Variants in FOXN3 observed in about 807,000 individuals in gnomAD.
The protein encoded by FOXN3 is forkhead box N3, also known as forkhead box protein N3.
A neutral mutation model predicts 38.4 loss-of-function variants in FOXN3; 7 were observed. The observed-to-expected ratio is 0.18, with a 90% CI of 0.10 to 0.34. FOXN3 has a LOEUF of 0.34. Ranked by LOEUF, FOXN3 falls within the 10% of genes least tolerant of loss-of-function variation. The probability of loss-of-function intolerance (pLI) is 1.00; values close to 1 mark genes in which losing one functional copy is unlikely to be tolerated. For missense variants in FOXN3, 456 were observed against 613.4 expected, an observed-to-expected ratio of 0.74 and a Z score of 2.71; for synonymous variants, 230 against 242.2, an observed-to-expected ratio of 0.95 and a Z score of 0.47.
intron 1 of FOXN3, among the ~76,000 whole-genome samples, chr14:89,438,727 T>C (rs1220565743): frequency 6.6e-6 from 1 of 152,222 alleles, no homozygotes; most frequent in Non-Finnish European, 1.5e-5. Flanking sequence ...ATTTGAAATC[T>C]ATACTCACTC....
intron 1 of FOXN3, among the ~76,000 whole-genome samples, chr14:89,584,991 C>G (rs985340793): frequency 6.6e-6 from 1 of 152,230 alleles, no homozygotes; most frequent in Non-Finnish European, 1.5e-5. Flanking sequence ...GCTGGGATTA[C>G]AGGCGTGAGC....
At chr14:89,299,925 T>C (rs1887165543) in intron 3 of FOXN3, among the ~76,000 whole-genome samples, 1 of 152,142 alleles carries the variant, frequency 6.6e-6, no homozygotes, top group Admixed American at 6.5e-5. Context: ...TGAGTAAAAA[T>C]ATCATTTCAA....
intron 1 of FOXN3, among the ~76,000 whole-genome samples, chr14:89,597,341 T>C (rs1017432931): frequency 4.6e-5 from 7 of 152,202 alleles, no homozygotes; most frequent in African/African-American, 1.7e-4. Context: ...CTATACTCTA[T>C]GATTTCCATC....
At chr14:89,389,398 C>T (rs1358916453) in intron 2 of FOXN3, among the ~76,000 whole-genome samples, 1 of 152,164 alleles carries the variant, frequency 6.6e-6, no homozygotes, top group Non-Finnish European at 1.5e-5. Context: ...CATGAACACC[C>T]TTTCATTCTA....
intron 1 of FOXN3, among the ~76,000 whole-genome samples, chr14:89,511,020 G>T (rs1452284171): frequency 6.6e-6 from 1 of 151,972 alleles, no homozygotes; most frequent in Admixed American, 6.6e-5. Context: ...CATTACAAAA[G>T]TGCATGCCTG....
At chr14:89,594,514 T>C (rs150618376) in intron 1 of FOXN3, among the ~76,000 whole-genome samples, 40 of 152,368 alleles carry the variant, frequency 2.6e-4, no homozygotes, top group African/African-American at 8.7e-4. Context: ...ATATCCTCTT[T>C]GGTGAAGTCC....
At chr14:89,344,595 C>A (rs1888711542) in intron 3 of FOXN3, among the ~76,000 whole-genome samples, 1 of 152,162 alleles carries the variant, frequency 6.6e-6, no homozygotes. Context: ...AATCTGTTGT[C>A]ATAAACATTA....
intron 1 of FOXN3, among the ~76,000 whole-genome samples, chr14:89,521,897 A>G (rs1894326175): frequency 6.6e-6 from 1 of 151,970 alleles, no homozygotes; most frequent in Admixed American, 6.6e-5. Flanking sequence ...CACACCTATA[A>G]TTCCAGCTAC....
At chr14:89,571,717 T>C (rs1442809273) in intron 1 of FOXN3, among the ~76,000 whole-genome samples, 1 of 152,194 alleles carries the variant, frequency 6.6e-6, no homozygotes, top group African/African-American at 2.4e-5. Context: ...AATAAAACTT[T>C]ATTTACAAAA....
intron 1 of FOXN3, among the ~76,000 whole-genome samples, chr14:89,436,377 C>T (rs1892277389): frequency 6.6e-6 from 1 of 151,630 alleles, no homozygotes; most frequent in African/African-American, 2.4e-5. Context: ...GTCATGCCAG[C>T]CCCTAATTTA....
intron 3 of FOXN3, among the ~76,000 whole-genome samples, chr14:89,332,459 A>G (rs977195769): frequency 1.3e-5 from 2 of 152,150 alleles, no homozygotes; most frequent in Non-Finnish European, 2.9e-5. Flanking sequence ...TAATTTTCTT[A>G]ATGTCCCTCT....
chr14:89,514,998 C>A (rs758066811), intron 1 of FOXN3, among the ~76,000 whole-genome samples: 1 of 151,964 alleles, frequency 6.6e-6, no homozygotes, highest in Non-Finnish European at 1.5e-5. Context: ...CGGCTCATTG[C>A]AACCTCCGCA....
intron 2 of FOXN3, among the ~76,000 whole-genome samples, chr14:89,406,294 C>A (rs1284160908): frequency 2.6e-5 from 4 of 152,010 alleles, no homozygotes; most frequent in Admixed American, 2.6e-4. Context: ...GTGGCATGCA[C>A]CTGTATTCTC....
At position 89,412,693 on chromosome 14, in the gene FOXN3, C is replaced by G. The variant is rs910665594; in HGVS notation, c.-14-203G>C. ...GATAGGCTGATGAGAAAAATCAGCCCGCCATTCATATAGCAAGGTGACCTG... is the reference window on the plus strand; with the variant it reads ...GATAGGCTGATGAGAAAAATCAGCCGGCCATTCATATAGCAAGGTGACCTG... On this transcript the variant is annotated intron_variant, in intron 1 of 5. Transcript: ENST00000557258. This position sits in a 1 kb window ranked among gnomAD's most constrained non-coding sequence, Gnocchi z 4.7. Among the ~76,000 whole-genome samples the G allele has an allele frequency of 3.3e-5, 5 of 152,044 alleles. No homozygotes were observed. The highest frequency in any genetic ancestry group is 1.2e-4 in the African/African-American group (5 of 41,388).
At chr14:89,386,629 G>A (rs2140072515) in intron 2 of FOXN3, among the ~76,000 whole-genome samples, 1 of 152,280 alleles carries the variant, frequency 6.6e-6, no homozygotes, top group South Asian at 2.1e-4. Flanking sequence ...TCTAATTAGA[G>A]CCAAAGCACA....
intron 4 of FOXN3, among the ~76,000 whole-genome samples, chr14:89,239,559 A>T (rs7149066): frequency 0.038 from 5,735 of 152,292 alleles, 327 homozygotes; most frequent in African/African-American, 0.13. Flanking sequence ...AGGTGCAAAG[A>T]AGCTTTTATT....
upstream of FOXN3, among the ~76,000 whole-genome samples, chr14:89,420,885 T>TAAAA (rs10654363): frequency 1.4e-5 from 2 of 140,826 alleles, no homozygotes; most frequent in Admixed American, 7.1e-5. Context: ...AGATACGAAT[T>TAAAA]AAAAAAAAAA....
At chr14:89,456,157 G>C (rs1183075789) in intron 1 of FOXN3, among the ~76,000 whole-genome samples, 2 of 136,834 alleles carry the variant, frequency 1.5e-5, no homozygotes, top group Non-Finnish European at 3.0e-5. Context: ...TCACGCCATT[G>C]CACTCCAGCC....
At chr14:89,463,763 C>T (rs1352197945) in intron 1 of FOXN3, among the ~76,000 whole-genome samples, 1 of 149,676 alleles carries the variant, frequency 6.7e-6, no homozygotes, top group East Asian at 2.0e-4. Context: ...CAGAGATATG[C>T]AGGGGTAGTG....
Sources: allele counts gnomAD v4.1 joint callset (sites outside exome capture counted in the v4.1 genomes callset), GRCh38; gene constraint gnomAD v4.1.1; non-coding constraint Gnocchi (gnomAD v3.1); transcripts MANE v1.5; gene names NCBI Gene and HGNC (gene_info 2026-07-23, HGNC 2026-07-21).